FAM20A: variants seen among roughly 807,000 people sequenced by gnomAD.
FAM20A encodes FAM20A golgi associated secretory pathway pseudokinase, also known as pseudokinase FAM20A.
In FAM20A, 42 loss-of-function variants were observed where a neutral mutation model predicts 52.0. That is an observed-to-expected ratio of 0.81 (90% CI 0.63 to 1.04). FAM20A has a LOEUF of 1.04. Among genes scored for constraint, FAM20A ranks in the 50% least tolerant of loss-of-function variants. FAM20A has a pLI of 0.00. For missense variants in FAM20A, 742 were observed against 712.7 expected (o/e 1.04, Z -0.47); for synonymous variants, 304 against 298.9 (o/e 1.02, Z -0.18).
intron 1 of FAM20A, chr17:68,590,416 T>C (rs2088271835): frequency 6.6e-6 from 1 of 152,122 alleles, no homozygotes; most frequent in African/African-American, 2.4e-5. Flanking sequence ...GAGACCTCTT[T>C]TTTCAGGAGA....
chr17:68,576,079 T>C (rs2087759192), intron 1 of FAM20A, among the ~76,000 whole-genome samples: 1 of 151,936 alleles, frequency 6.6e-6, no homozygotes, highest in Non-Finnish European at 1.5e-5. Flanking sequence ...TGGAACAAGC[T>C]CCCATAAGAG....
chr17:68,565,383 C>CTTTTTTT lies in FAM20A; in HGVS notation c.405-9647_405-9641dup, dbSNP rs796800181. On this transcript the variant is annotated intron_variant, in intron 1 of 10. Transcript: ENST00000592554. ...CCTGGAGTTTAACCTCCATTACCTC[C>CTTTTTTT]TTTTTTTTTTTTTTTTTTTTTTTTT... Among the ~76,000 whole-genome samples the CTTTTTTT allele has an allele frequency of 9.6e-5, 10 of 103,796 alleles. 1 individual carries two copies. The highest frequency in any genetic ancestry group is 3.5e-4 in the African/African-American group (8 of 22,986). 68.1% of individuals were successfully genotyped at this position (103,796 alleles called of 152,430 possible). A position where few individuals can be genotyped will look rare whatever the true frequency, so the allele number is the denominator to read the frequency against.
chr17:68,566,639 A>G (rs991221898), intron 1 of FAM20A, among the ~76,000 whole-genome samples: 4 of 152,226 alleles, frequency 2.6e-5, no homozygotes, highest in African/African-American at 9.6e-5. Context: ...ATGAGTTTGA[A>G]CATCACTGGG....
intron 1 of FAM20A, among the ~76,000 whole-genome samples, chr17:68,563,827 A>G (rs2087294785): frequency 6.6e-6 from 1 of 152,216 alleles, no homozygotes; most frequent in African/African-American, 2.4e-5. Flanking sequence ...GGACCACCTC[A>G]GATGTCTCCA....
chr17:68,591,334 C>T lies in FAM20A; in HGVS notation c.404+8929G>A, dbSNP rs1468096207. On this transcript the variant is annotated intron_variant, in intron 1 of 10. Transcript: ENST00000592554. Reference sequence around the variant, plus strand: ...CAGGATGGTCTCAATCTCTTGACCTCGTGATCCGCCCGCCTCGGCCTCCCA... The same window carrying T: ...CAGGATGGTCTCAATCTCTTGACCTTGTGATCCGCCCGCCTCGGCCTCCCA... Among the ~76,000 whole-genome samples the T allele has an allele frequency of 9.2e-5, 14 of 152,172 alleles. 1 individual carries two copies. The highest frequency in any genetic ancestry group is 7.9e-4 in the Admixed American group (12 of 15,284).
intron 4 of FAM20A, among the ~76,000 whole-genome samples, chr17:68,545,122 C>T (rs916857074): frequency 2.6e-5 from 4 of 151,902 alleles, no homozygotes; most frequent in Non-Finnish European, 5.9e-5. Context: ...AAATACAAAG[C>T]GCATAATTTT....
chr17:68,540,512 C>G (rs1419938124), intron 8 of FAM20A: 2 of 481,952 alleles, frequency 4.1e-6, no homozygotes, highest in Middle Eastern at 3.1e-4. Context: ...GAGGCCCTCC[C>G]TGCTACATAT....
intron 3 of FAM20A, among the ~76,000 whole-genome samples, chr17:68,552,665 C>CTTTTTTTTTTTTTTTTTTT (rs1568739140): frequency 3.6e-5 from 4 of 109,968 alleles, no homozygotes; most frequent in African/African-American, 1.3e-4. Context: ...CCTTTATTTT[C>CTTTTTTTTTTTTTTTTTTT]CTTTTTTTTT....
Position 68,554,030 on chromosome 17 carries a change from ACACACATG to A in FAM20A, c.640+739_640+746del, listed in dbSNP as rs1568741714. The stretch of plus-strand genomic sequence containing the variant: ...TGCATATATACATATATACATATAT[ACACACATG>A]CATATATACACATATACACATATAC... On this transcript the variant is annotated intron_variant, in intron 3 of 10. Transcript: ENST00000592554. 8.2e-3 allele frequency among the ~76,000 whole-genome samples: 482 copies of A among 58,460 alleles called. 22 individuals are homozygous for A. Among genetic ancestry groups the A allele is most frequent in the Middle Eastern group, 0.027 (3 of 112 alleles). The allele number at this position is 58,460 out of a possible 152,430, so 38.4% of individuals were successfully genotyped here.
intron 10 of FAM20A, among the ~76,000 whole-genome samples, chr17:68,538,122 G>A (rs138335833): frequency 3.9e-5 from 6 of 152,304 alleles, no homozygotes; most frequent in Admixed American, 6.5e-5. Flanking sequence ...GCTATTTGCT[G>A]TCTCAAAATC....
intron 4 of FAM20A, among the ~76,000 whole-genome samples, chr17:68,544,494 G>C (rs530341918): frequency 1.3e-5 from 2 of 152,188 alleles, no homozygotes; most frequent in East Asian, 1.9e-4. Flanking sequence ...GATGATCTTC[G>C]AATAATTTTA....
intron 1 of FAM20A, among the ~76,000 whole-genome samples, chr17:68,581,933 G>A (rs1239320669): frequency 6.6e-6 from 1 of 152,116 alleles, no homozygotes; most frequent in Non-Finnish European, 1.5e-5. Context: ...CTGAAAATGA[G>A]GATAAGGACT....
In FAM20A at chr17:68,548,723, A is replaced by ATTTT. The variant is rs200833117; in HGVS notation, c.719+3149_719+3150insAAAA. 2.2e-3 allele frequency among the ~76,000 whole-genome samples: 255 copies of ATTTT among 117,880 alleles called. 3 individuals carry two copies. The highest frequency in any genetic ancestry group is 3.1e-3 in the Non-Finnish European group (181 of 59,232). The allele number at this position is 117,880 out of a possible 152,430, so 77.3% of individuals were successfully genotyped here. On this transcript the variant is annotated intron_variant, in intron 4 of 10. Coordinates refer to ENST00000592554, the MANE Select transcript of FAM20A (RefSeq NM_017565.4). ...CGCAGATACAGCGAGCTATGCCTGT[A>ATTTT]TATTTTTTTTTTTTTTTTTTTTTTT... is the stretch of plus-strand genomic sequence containing the variant.
intron 1 of FAM20A, among the ~76,000 whole-genome samples, chr17:68,583,480 TC>T (rs1288549062): frequency 6.6e-6 from 1 of 152,172 alleles, no homozygotes; most frequent in African/African-American, 2.4e-5. Context: ...CTTCTCCTCT[TC>T]CGTCTGTGTC....
chr17:68,543,570 A>ACC, intron 5 of FAM20A, 59 bp downstream of exon 5: 1 of 1,476,660 alleles, frequency 6.8e-7, no homozygotes, highest in East Asian at 2.3e-5. Flanking sequence ...CTGTCTAGCC[A>ACC]CCCCTCCCAG....
Position 68,539,273 on chromosome 17 carries a change from C to G in FAM20A, c.1361+64G>C, listed in dbSNP as rs1230404289. ...AAACTGGAAGCCCTTCAGACCTTGG[C>G]TGCAAGCAGCATGAAGGGTCACAAC... On this transcript the variant is annotated intron_variant, in intron 10 of 10. Coordinates refer to ENST00000592554, the MANE Select transcript of FAM20A (RefSeq NM_017565.4). The G allele has an allele frequency of 3.2e-6, 5 of 1,561,916 alleles. No individual in the cohort carries two copies. In the East Asian group the frequency reaches 9.0e-5, roughly 28 times the overall value.
intron 1 of FAM20A, among the ~76,000 whole-genome samples, chr17:68,564,265 T>TG (rs1568754604): frequency 6.6e-6 from 1 of 152,148 alleles, no homozygotes; most frequent in East Asian, 1.9e-4. Context: ...TTGTGGGAAA[T>TG]GGGGAATGCT....
In FAM20A at chr17:68,537,638, C is replaced by T. The variant is rs1600511859; in HGVS notation, c.1465G>A (p.Val489Ile). Reference protein sequence around the residue: ...ESLLEDQLSPVLTEPHLLALD... With the variant: ...ESLLEDQLSPILTEPHLLALD... ...GCAAGGAGGTGGGGTTCAGTGAGGACAGGGCTGAGCTGGTCTTCCAGCAGT... is the reference window on the plus strand; with the variant it reads ...GCAAGGAGGTGGGGTTCAGTGAGGATAGGGCTGAGCTGGTCTTCCAGCAGT... The change falls in exon 11 of 11, where the codon GTC becomes ATC. Residue 489 changes from valine (V) to isoleucine (I), a missense_variant. Physicochemically the swap from Val to Ile is conservative, Grantham distance 29. Coordinates refer to ENST00000592554, the MANE Select transcript of FAM20A (RefSeq NM_017565.4). This position sits in a 1 kb window ranked among gnomAD's most constrained non-coding sequence, Gnocchi z 4.2. 1 of 1,613,758 alleles carries T rather than the reference C, an allele frequency of 6.2e-7. No individual in the cohort carries two copies. Among genetic ancestry groups the T allele is most frequent in the Non-Finnish European group, 8.5e-7 (1 of 1,179,866 alleles).
intron 1 of FAM20A, among the ~76,000 whole-genome samples, chr17:68,599,368 G>C (rs2088545732): frequency 6.6e-6 from 1 of 152,156 alleles, no homozygotes; most frequent in Non-Finnish European, 1.5e-5. Context: ...TCATACGAAG[G>C]CTTCCTGCCA....
Sources: allele counts gnomAD v4.1 joint callset (sites outside exome capture counted in the v4.1 genomes callset), GRCh38; gene constraint gnomAD v4.1.1; non-coding constraint Gnocchi (gnomAD v3.1); transcripts MANE v1.5; gene names NCBI Gene and HGNC (gene_info 2026-07-23, HGNC 2026-07-21).